Variants in DNAH14 observed in about 807,000 individuals in gnomAD.
DNAH14 encodes dynein axonemal heavy chain 14.
In DNAH14, 478 loss-of-function variants were observed where a neutral mutation model predicts 520.9. That is an observed-to-expected ratio of 0.92 (90% CI 0.85 to 0.99). The LOEUF is 0.99. Among genes scored for constraint, DNAH14 ranks in the 50% least tolerant of loss-of-function variants. The pLI, the probability that DNAH14 is intolerant of heterozygous loss-of-function variation, is 0.00. For synonymous variants in DNAH14, 1,581 were observed against 1,757.2 expected (o/e 0.90, Z 2.51); for missense variants, 4,831 against 5,234.5 (o/e 0.92, Z 2.38).
intron 11 of DNAH14, among the ~76,000 whole-genome samples, chr1:225,028,026 A>C (rs968870203): frequency 6.6e-6 from 1 of 152,008 alleles, no homozygotes; most frequent in Non-Finnish European, 1.5e-5. Context: ...ATGCTGCTGG[A>C]TTCAGTCTGG....
At chr1:225,251,689 A>G (rs2092558616) in intron 43 of DNAH14, among the ~76,000 whole-genome samples, 1 of 152,182 alleles carries the variant, frequency 6.6e-6, no homozygotes, top group Non-Finnish European at 1.5e-5. Flanking sequence ...TCAAACAAAG[A>G]TATATCCAGA....
chr1:225,142,511 A>G (rs942795652), intron 28 of DNAH14, among the ~76,000 whole-genome samples: 8 of 152,236 alleles, frequency 5.3e-5, no homozygotes, highest in Non-Finnish European at 1.0e-4. Flanking sequence ...TTGCTCTCAT[A>G]AAAAGCAAGT....
intron 10 of DNAH14, among the ~76,000 whole-genome samples, chr1:225,015,081 T>G (rs1286902635): frequency 1.3e-5 from 2 of 152,202 alleles, no homozygotes; most frequent in Non-Finnish European, 1.5e-5. Context: ...GGTTTTCACT[T>G]TAAATCTGTT....
intron 17 of DNAH14, among the ~76,000 whole-genome samples, chr1:225,066,679 T>A (rs889292915): frequency 1.3e-5 from 2 of 151,938 alleles, no homozygotes; most frequent in Non-Finnish European, 2.9e-5. Flanking sequence ...GTCCCAAAGT[T>A]TATTATATTG....
chr1:224,950,854 C>T (rs1415275931), intron 1 of DNAH14, among the ~76,000 whole-genome samples: 1 of 150,042 alleles, frequency 6.7e-6, no homozygotes. Context: ...CTATTTTGCT[C>T]ATAGGCCTAC....
At chr1:225,146,095 T>G (rs2079913608) in intron 30 of DNAH14, among the ~76,000 whole-genome samples, 1 of 152,204 alleles carries the variant, frequency 6.6e-6, no homozygotes, top group South Asian at 2.1e-4. Context: ...TAAGACTCTC[T>G]TGCCTCCTTC....
At chr1:225,117,602 T>C (rs2076962114) in intron 23 of DNAH14, 82 bp from the exon 24 acceptor site, 7 of 831,272 alleles carry the variant, frequency 8.4e-6, no homozygotes, top group Admixed American at 2.6e-5. Context: ...CTTTTGTTTG[T>C]AAGTATAGGT....
intron 36 of DNAH14, among the ~76,000 whole-genome samples, chr1:225,178,753 T>C (rs2149276642): frequency 6.6e-6 from 1 of 152,186 alleles, no homozygotes; most frequent in East Asian, 1.9e-4. Context: ...GGTTTTGAAA[T>C]TTGAGGACAT....
At chr1:225,160,600 A>G (rs1338460992) in intron 35 of DNAH14, among the ~76,000 whole-genome samples, 1 of 152,148 alleles carries the variant, frequency 6.6e-6, no homozygotes, top group East Asian at 1.9e-4. Context: ...TTTAAAATTT[A>G]TATCTCTTCT....
intron 17 of DNAH14, among the ~76,000 whole-genome samples, chr1:225,070,662 A>G (rs1295109285): frequency 6.6e-6 from 1 of 152,168 alleles, no homozygotes; most frequent in Admixed American, 6.5e-5. Context: ...CCATGCGGTG[A>G]TGAAAAGAAG....
intron 38 of DNAH14, among the ~76,000 whole-genome samples, chr1:225,197,688 T>C (rs1019406630): frequency 6.6e-6 from 1 of 152,188 alleles, no homozygotes; most frequent in African/African-American, 2.4e-5. Flanking sequence ...TGGAATGTGT[T>C]TCCATTTGTT....
intron 41 of DNAH14, among the ~76,000 whole-genome samples, chr1:225,219,005 C>A (rs2089751096): frequency 1.3e-5 from 2 of 151,882 alleles, no homozygotes; most frequent in East Asian, 3.9e-4. Flanking sequence ...CGAACTCACT[C>A]AAAACCACAC....
At chr1:225,308,201 G>A in intron 59 of DNAH14, 84 bp from the exon 60 acceptor site, 1 of 1,367,280 alleles carries the variant, frequency 7.3e-7, no homozygotes, top group Non-Finnish European at 9.8e-7. Flanking sequence ...TTACCATAGT[G>A]AAATGAGATA....
chr1:225,081,062 G>A (rs2073059376), intron 19 of DNAH14, among the ~76,000 whole-genome samples: 1 of 152,196 alleles, frequency 6.6e-6, no homozygotes, highest in South Asian at 2.1e-4. Context: ...TGATGATAAA[G>A]GACCATCTGC....
chr1:225,300,746 A>G, intron 55 of DNAH14, 123 bp from the exon 56 acceptor site: 1 of 1,084,236 alleles, frequency 9.2e-7, no homozygotes, highest in East Asian at 2.7e-5. Context: ...CTTTAAAAAA[A>G]AAAATCACTT....
At chr1:225,061,274 G>A (rs2070052290) in intron 17 of DNAH14, among the ~76,000 whole-genome samples, 1 of 152,222 alleles carries the variant, frequency 6.6e-6, no homozygotes, top group South Asian at 2.1e-4. Context: ...TGCTGTGCTA[G>A]CAATGAGCGT....
intron 81 of DNAH14, among the ~76,000 whole-genome samples, chr1:225,386,042 A>G (rs1002839872): frequency 3.9e-5 from 6 of 152,200 alleles, no homozygotes; most frequent in African/African-American, 1.4e-4. Flanking sequence ...ATATAGACCA[A>G]TGGAACAGAA....
intron 8 of DNAH14, among the ~76,000 whole-genome samples, chr1:224,985,765 A>G (rs553358781): frequency 6.6e-6 from 1 of 152,210 alleles, no homozygotes; most frequent in East Asian, 1.9e-4. Flanking sequence ...CAGTTGATCT[A>G]CTGAAGAATG....
intron 36 of DNAH14, among the ~76,000 whole-genome samples, chr1:225,176,437 GA>G (rs2083341096): frequency 6.6e-6 from 1 of 152,150 alleles, no homozygotes; most frequent in African/African-American, 2.4e-5. Context: ...TCTGTTGGGG[GA>G]AATATTCTAT....
Sources: allele counts gnomAD v4.1 joint callset (sites outside exome capture counted in the v4.1 genomes callset), GRCh38; gene constraint gnomAD v4.1.1; transcripts MANE v1.5; gene names NCBI Gene and HGNC (gene_info 2026-07-23, HGNC 2026-07-21).